PEMT: variants seen among roughly 807,000 people sequenced by gnomAD.
The protein encoded by PEMT is phosphatidylethanolamine N-methyltransferase.
A neutral mutation model predicts 27.4 loss-of-function variants in PEMT; 23 were observed. That is an observed-to-expected ratio of 0.84 (90% confidence interval 0.60 to 1.19). The LOEUF is 1.19. Among genes scored for constraint, PEMT ranks in the 50% most tolerant of loss-of-function variants. The pLI is 0.00. For synonymous variants in PEMT, 137 were observed against 139.1 expected (o/e 0.98, Z 0.11); for missense variants, 307 against 310.1 (o/e 0.99, Z 0.07).
Position 17,540,471 on chromosome 17 carries a change from G to A in PEMT, c.205-18076C>T, listed in dbSNP as rs77339622. ...GGGGGTCAGGGGAACTGAGCCCCAGGAAGACTCCCTAGGCAGGTGGCAGCA... is the reference window on the plus strand; with the variant it reads ...GGGGGTCAGGGGAACTGAGCCCCAGAAAGACTCCCTAGGCAGGTGGCAGCA... On this transcript the variant is annotated intron_variant, in intron 2 of 6. Coordinates refer to ENST00000255389, the MANE Select transcript of PEMT (RefSeq NM_148172.3). Among the ~76,000 whole-genome samples the A allele has an allele frequency of 1.8e-3, 275 of 152,264 alleles. 6 individuals are homozygous for A. In the East Asian group the frequency reaches 0.049, roughly 27 times the overall value.
chr17:17,535,161 T>G (rs1336594128), intron 2 of PEMT, among the ~76,000 whole-genome samples: 1 of 152,118 alleles, frequency 6.6e-6, no homozygotes, highest in Non-Finnish European at 1.5e-5. Context: ...TCACTAGCCT[T>G]GGCTTCTCAA....
intron 2 of PEMT, among the ~76,000 whole-genome samples, chr17:17,535,817 T>A (rs556884191): frequency 6.6e-6 from 1 of 152,270 alleles, no homozygotes; most frequent in East Asian, 1.9e-4. Flanking sequence ...ACGGTTCTAG[T>A]TTAGTGTATG....
intron 2 of PEMT, among the ~76,000 whole-genome samples, chr17:17,573,838 G>A (rs759697402): frequency 6.6e-6 from 1 of 152,318 alleles, no homozygotes; most frequent in Non-Finnish European, 1.5e-5. Flanking sequence ...CTGGAGTGCA[G>A]TAGTGTGATC....
upstream of PEMT, chr17:17,591,837 T>A: frequency 7.2e-7 from 1 of 1,388,336 alleles, no homozygotes; most frequent in Non-Finnish European, 9.3e-7. Context: ...AGCCGAGAAC[T>A]ACAAGTCCCA....
At chr17:17,552,862 G>A (rs34208147) in intron 2 of PEMT, among the ~76,000 whole-genome samples, 8,611 of 152,272 alleles carry the variant, frequency 0.057, 386 homozygotes, top group Non-Finnish European at 0.09. Context: ...TGTGCTCAGG[G>A]AACAACCTTT....
chr17:17,547,742 T>G (rs1395686807), intron 2 of PEMT, among the ~76,000 whole-genome samples: 1 of 152,030 alleles, frequency 6.6e-6, no homozygotes, highest in Non-Finnish European at 1.5e-5. Flanking sequence ...ATCTCCTTCC[T>G]CATGCTCAAG....
intron 2 of PEMT, among the ~76,000 whole-genome samples, chr17:17,566,053 GT>G (rs1367126441): frequency 6.6e-6 from 1 of 152,232 alleles, no homozygotes. Flanking sequence ...CAAGGGAAGG[GT>G]TTTGTTTTGG....
At chr17:17,520,598 C>A (rs573046062) in intron 3 of PEMT, among the ~76,000 whole-genome samples, 3 of 152,250 alleles carry the variant, frequency 2.0e-5, no homozygotes, top group African/African-American at 7.2e-5. Flanking sequence ...GCTGTGCAGA[C>A]GCACAGGCCC....
chr17:17,507,246 G>A (rs1353578364), intron 5 of PEMT: 1 of 1,457,200 alleles, frequency 6.9e-7, no homozygotes, highest in Non-Finnish European at 9.4e-7. Context: ...GGAAGGAGAG[G>A]GAGGAAAGGA....
chr17:17,527,312 C>CAGGAGTGAG lies in PEMT; in HGVS notation c.205-4926_205-4918dup, dbSNP rs1339540938. ...TCGGCCTCTCAAAGTGCTGGGATTA[C>CAGGAGTGAG]AGGAGTGAGCCACTGTGCCCGGTGA... On this transcript the variant is annotated intron_variant, in intron 2 of 6. Transcript: ENST00000255389. 7.9e-5 allele frequency among the ~76,000 whole-genome samples: 12 copies of CAGGAGTGAG among 152,356 alleles called. No homozygotes were observed. In the East Asian group the frequency reaches 2.3e-3, roughly 29 times the overall value.
chr17:17,566,488 A>C (rs1181013991), intron 2 of PEMT, among the ~76,000 whole-genome samples: 1 of 152,170 alleles, frequency 6.6e-6, no homozygotes, highest in African/African-American at 2.4e-5. Flanking sequence ...CAGGAGGCAA[A>C]ACACACACTT....
intron 5 of PEMT, chr17:17,507,597 T>G (rs1905980771): frequency 4.8e-6 from 1 of 209,522 alleles, no homozygotes; most frequent in Non-Finnish European, 9.6e-6. Flanking sequence ...GAGTCCCTGA[T>G]TGCACAACAC....
chr17:17,567,058 T>C lies in PEMT; in HGVS notation c.204+9862A>G, dbSNP rs146831715. On this transcript the variant is annotated intron_variant, in intron 2 of 6. Coordinates refer to ENST00000255389, the MANE Select transcript of PEMT (RefSeq NM_148172.3). ...CCAATAGCCTTCATCATGCTGTAAATGCCAGAACCAAAAATAAATCATCCA... is the reference window on the plus strand; with the variant it reads ...CCAATAGCCTTCATCATGCTGTAAACGCCAGAACCAAAAATAAATCATCCA... 6.4e-4 allele frequency among the ~76,000 whole-genome samples: 98 copies of C among 152,280 alleles called. 3 individuals are homozygous for C. The East Asian group carries it at 0.01, about 16-fold the overall frequency.
At chr17:17,507,234 G>A in intron 5 of PEMT, 2 of 1,503,708 alleles carry the variant, frequency 1.3e-6, no homozygotes, top group African/African-American at 1.4e-5. Flanking sequence ...GGGAGGAAGA[G>A]AGGAAGGAGA....
chr17:17,528,272 G>C (rs1031512477), intron 2 of PEMT, among the ~76,000 whole-genome samples: 3 of 152,148 alleles, frequency 2.0e-5, no homozygotes, highest in Non-Finnish European at 4.4e-5. Context: ...CTGCCTGACT[G>C]GCCCCCTTTC....
intron 2 of PEMT, among the ~76,000 whole-genome samples, chr17:17,566,217 G>C (rs1192694401): frequency 6.6e-6 from 1 of 152,252 alleles, no homozygotes; most frequent in African/African-American, 2.4e-5. Context: ...GACAGTGCAG[G>C]CCTGGGGCCT....
chr17:17,564,273 C>A (rs1910680772), intron 2 of PEMT, among the ~76,000 whole-genome samples: 1 of 152,114 alleles, frequency 6.6e-6, no homozygotes, highest in Non-Finnish European at 1.5e-5. Context: ...CCACTCCTGG[C>A]AGGGAGTGAG....
chr17:17,574,347 T>A (rs1243232765), intron 2 of PEMT, among the ~76,000 whole-genome samples: 4 of 129,312 alleles, frequency 3.1e-5, no homozygotes, highest in African/African-American at 6.3e-5. Flanking sequence ...AAAGACAGAG[T>A]CTCACTCTGT....
intron 2 of PEMT, among the ~76,000 whole-genome samples, chr17:17,547,281 T>A (rs1909324640): frequency 6.6e-6 from 1 of 152,160 alleles, no homozygotes; most frequent in Non-Finnish European, 1.5e-5. Context: ...CACACACAGA[T>A]CTGTTCTTCA....
Sources: allele counts gnomAD v4.1 joint callset (sites outside exome capture counted in the v4.1 genomes callset), GRCh38; gene constraint gnomAD v4.1.1; transcripts MANE v1.5; gene names NCBI Gene and HGNC (gene_info 2026-07-23, HGNC 2026-07-21).